The following CTNNA3 variants were observed in gnomAD, a reference collection of about 807,000 sequenced individuals.
CTNNA3 encodes catenin alpha 3.
A neutral mutation model predicts 95.7 loss-of-function variants in CTNNA3; 76 were observed. The ratio of observed to expected loss-of-function variants is 0.79; its 90% confidence interval spans 0.66 to 0.96. The LOEUF is 0.96. Ranked by LOEUF, CTNNA3 falls within the 40% of genes least tolerant of loss-of-function variation. CTNNA3 has a pLI of 0.00. For synonymous variants in CTNNA3, 431 were observed against 374.4 expected (o/e 1.15, Z -1.74); for missense variants, 1,191 against 1,089.8 (o/e 1.09, Z -1.31).
In CTNNA3 at chr10:67,270,584, G is replaced by A. The variant is rs182851836; in HGVS notation, c.580-50714C>T. Among the ~76,000 whole-genome samples, 24 of 152,148 alleles carry A rather than the reference G, an allele frequency of 1.6e-4. No homozygotes were observed. The East Asian group carries it at 4.6e-3, about 29-fold the overall frequency. ...GGGAGTATTTAAAGTTTAATATAAG[G>A]GCTGTCTTAAGCTTCCTAAAGAATA... is the stretch of plus-strand genomic sequence containing the variant. On this transcript the variant is annotated intron_variant, in intron 5 of 17. Coordinates refer to ENST00000433211, the MANE Select transcript of CTNNA3 (RefSeq NM_013266.4).
chr10:66,432,213 G>T (rs1049004529), intron 11 of CTNNA3, among the ~76,000 whole-genome samples: 11 of 152,058 alleles, frequency 7.2e-5, no homozygotes, highest in African/African-American at 2.7e-4. Flanking sequence ...TCTTAAAAGT[G>T]ATTGTTACAA....
chr10:66,060,096 G>A (rs1031592574), intron 15 of CTNNA3, among the ~76,000 whole-genome samples: 9 of 151,896 alleles, frequency 5.9e-5, no homozygotes, highest in Admixed American at 3.3e-4. Context: ...GATCATAGAA[G>A]ATATAATTAA....
chr10:67,188,898 T>G (rs1589840768), intron 6 of CTNNA3, among the ~76,000 whole-genome samples: 1 of 152,020 alleles, frequency 6.6e-6, no homozygotes, highest in African/African-American at 2.4e-5. Flanking sequence ...TGGTGGCTGG[T>G]TTGAGTCCAG....
intron 7 of CTNNA3, among the ~76,000 whole-genome samples, chr10:67,051,088 A>T (rs1440750661): frequency 6.6e-6 from 1 of 152,246 alleles, no homozygotes; most frequent in Non-Finnish European, 1.5e-5. Flanking sequence ...GATACAAATT[A>T]ACCAATAAAA....
chr10:66,128,526 C>A (rs1407032582), intron 13 of CTNNA3, among the ~76,000 whole-genome samples: 1 of 151,306 alleles, frequency 6.6e-6, no homozygotes, highest in Admixed American at 6.6e-5. Context: ...TGCATATTAC[C>A]AAGTGAAAAA....
At chr10:66,623,272 A>C (rs188224161) in intron 9 of CTNNA3, among the ~76,000 whole-genome samples, 1 of 152,284 alleles carries the variant, frequency 6.6e-6, no homozygotes, top group Admixed American at 6.5e-5. Context: ...AAATAAAAAT[A>C]AAAATAAAAA....
At chr10:66,488,639 T>C (rs1483539155) in intron 11 of CTNNA3, among the ~76,000 whole-genome samples, 3 of 152,190 alleles carry the variant, frequency 2.0e-5, no homozygotes. Flanking sequence ...TACTTAAATA[T>C]CACTGTCTTT....
At chr10:67,680,268 T>C (rs1418420619) in intron 1 of CTNNA3, among the ~76,000 whole-genome samples, 1 of 152,186 alleles carries the variant, frequency 6.6e-6, no homozygotes, top group East Asian at 1.9e-4. Flanking sequence ...GGAAAATCAC[T>C]GGTAAGGGTA....
chr10:67,038,720 C>T (rs1180416651), intron 7 of CTNNA3, among the ~76,000 whole-genome samples: 1 of 151,946 alleles, frequency 6.6e-6, no homozygotes, highest in Non-Finnish European at 1.5e-5. Flanking sequence ...GTTAACAGTC[C>T]AAAATCATTA....
At chr10:67,262,035 C>T (rs1217576560) in intron 5 of CTNNA3, among the ~76,000 whole-genome samples, 1 of 152,008 alleles carries the variant, frequency 6.6e-6, no homozygotes, top group Non-Finnish European at 1.5e-5. Context: ...TTTAATGATG[C>T]ATGGTATAAT....
At chr10:67,115,096 T>C (rs774432399) in intron 7 of CTNNA3, among the ~76,000 whole-genome samples, 4 of 152,188 alleles carry the variant, frequency 2.6e-5, no homozygotes, top group Non-Finnish European at 4.4e-5. Context: ...CTTTGGTCCC[T>C]ACACACCACA....
chr10:67,173,649 C>T (rs1262878030), intron 7 of CTNNA3, among the ~76,000 whole-genome samples: 1 of 152,176 alleles, frequency 6.6e-6, no homozygotes, highest in East Asian at 1.9e-4. Context: ...GCTCAGGACC[C>T]TTATATTTCG....
chr10:67,727,147 T>TAATTATA (rs1841238518), intron 1 of CTNNA3, among the ~76,000 whole-genome samples: 1 of 121,804 alleles, frequency 8.2e-6, no homozygotes, highest in Admixed American at 9.8e-5. Flanking sequence ...GATACATATA[T>TAATTATA]TATATAATTA....
At chr10:66,156,778 C>T (rs781202916) in intron 13 of CTNNA3, among the ~76,000 whole-genome samples, 1 of 151,788 alleles carries the variant, frequency 6.6e-6, no homozygotes, top group African/African-American at 2.4e-5. Context: ...TTTTGAGTTC[C>T]AACATAGTGG....
chr10:66,372,264 A>C (rs2092759941), intron 12 of CTNNA3, among the ~76,000 whole-genome samples: 1 of 152,212 alleles, frequency 6.6e-6, no homozygotes, highest in Admixed American at 6.6e-5. Context: ...TGCCTTCAGC[A>C]CATAAAGATC....
intron 1 of CTNNA3, among the ~76,000 whole-genome samples, chr10:67,740,208 G>T (rs1223928652): frequency 2.6e-5 from 4 of 152,070 alleles, no homozygotes; most frequent in Non-Finnish European, 5.9e-5. Flanking sequence ...AAAAACCCTA[G>T]AAGAAAACCT....
intron 5 of CTNNA3, among the ~76,000 whole-genome samples, chr10:67,483,792 A>C (rs1848340765): frequency 6.6e-6 from 1 of 151,488 alleles, no homozygotes. Flanking sequence ...AAAAAACAAA[A>C]AAAAAACAAA....
intron 9 of CTNNA3, among the ~76,000 whole-genome samples, chr10:66,705,765 TG>T (rs1426500520): frequency 6.6e-6 from 1 of 152,110 alleles, no homozygotes; most frequent in Admixed American, 6.6e-5. Context: ...TTAAGAATAC[TG>T]GTTGTACTAA....
In CTNNA3 at chr10:67,236,631, T is replaced by C. The variant is rs193092633; in HGVS notation, c.580-16761A>G. On this transcript the variant is annotated intron_variant, in intron 5 of 17. Transcript: ENST00000433211. ...ACATATGTAACTAACCTGCACATTG[T>C]GCACATGTACCCTAAACCTTAAAGT... is the stretch of plus-strand genomic sequence containing the variant. 2.3e-3 allele frequency among the ~76,000 whole-genome samples: 342 copies of C among 151,790 alleles called. 3 individuals carry two copies. Among genetic ancestry groups the C allele is most frequent in the African/African-American group, 7.9e-3 (326 of 41,378 alleles).
Sources: allele counts gnomAD v4.1 joint callset (sites outside exome capture counted in the v4.1 genomes callset), GRCh38; gene constraint gnomAD v4.1.1; transcripts MANE v1.5; gene names NCBI Gene and HGNC (gene_info 2026-07-23, HGNC 2026-07-21).